The following LRP5 variants were observed in gnomAD, a reference collection of about 807,000 sequenced individuals.
LRP5 encodes the protein low-density lipoprotein receptor-related protein 5.
A neutral mutation model predicts 154.1 loss-of-function variants in LRP5; 62 were observed. The ratio of observed to expected loss-of-function variants is 0.40; its 90% CI spans 0.33 to 0.50. The LOEUF is 0.50. Among genes scored for constraint, LRP5 ranks in the 20% least tolerant of loss-of-function variants. LRP5 has a pLI of 0.55. For missense variants in LRP5, 1,915 were observed against 2,336.7 expected (o/e 0.82, Z 3.72); for synonymous variants, 966 against 1,011.5 (o/e 0.96, Z 0.85).
At chr11:68,314,741 G>A (rs2098591785) in intron 1 of LRP5, among the ~76,000 whole-genome samples, 1 of 152,236 alleles carries the variant, frequency 6.6e-6, no homozygotes, top group Non-Finnish European at 1.5e-5. Context: ...TCCTGTAGAT[G>A]CCCAAGGCCA....
upstream of LRP5, among the ~76,000 whole-genome samples, chr11:68,308,255 T>TG (rs951895124): frequency 5.1e-4 from 77 of 151,858 alleles, no homozygotes; most frequent in South Asian, 2.9e-3. Flanking sequence ...CCTGCCGGGT[T>TG]GGGGGGGGCT....
upstream of LRP5, among the ~76,000 whole-genome samples, chr11:68,307,627 C>T (rs2098584668): frequency 6.6e-6 from 1 of 152,152 alleles, no homozygotes; most frequent in African/African-American, 2.4e-5. Context: ...CACTGCACTC[C>T]AGCCTGGGCA....
chr11:68,406,489 G>T, intron 8 of LRP5, 35 bp from the exon 9 acceptor site: 1 of 1,611,222 alleles, frequency 6.2e-7, no homozygotes, highest in African/African-American at 1.3e-5. Flanking sequence ...CTGGGCTGTT[G>T]ATGTTTAGAC....
At position 68,425,175 on chromosome 11, in the gene LRP5, G is replaced by A. The variant is rs767690779; in HGVS notation, c.3310G>A (p.Glu1104Lys). 61 of 1,613,586 alleles carry A rather than the reference G, an allele frequency of 3.8e-5. No homozygotes were observed. Among genetic ancestry groups the A allele is most frequent in the Non-Finnish European group, 4.7e-5 (55 of 1,180,010 alleles). The part of the protein sequence containing the change: ...ERAALDGTER[E>K]VLFTTGLIRP... ...CGCAGCCCTGGACGGCACCGAGCGC[G>A]AGGTCCTCTTCACCACCGGCCTCAT... The change falls in exon 15 of 23, where the codon GAG (glutamate) becomes AAG (lysine). Residue 1104 changes from glutamate (E) to lysine (K), a missense_variant. By Grantham distance (56) the Glu-to-Lys change is moderately conservative. Transcript: ENST00000294304.
intron 10 of LRP5, 27 bp from the exon 11 acceptor site, chr11:68,411,409 C>G (rs749067378): frequency 3.7e-6 from 6 of 1,605,820 alleles, no homozygotes; most frequent in Non-Finnish European, 5.1e-6. Context: ...ACTCACTGAG[C>G]CTGCCCTTCT....
At chr11:68,321,791 G>A (rs1212661397) in intron 1 of LRP5, among the ~76,000 whole-genome samples, 6 of 152,188 alleles carry the variant, frequency 3.9e-5, no homozygotes, top group African/African-American at 7.2e-5. Flanking sequence ...TTTCTTCCTT[G>A]GGATGTACCC....
At chr11:68,395,431 T>C (rs2098648750) in intron 7 of LRP5, among the ~76,000 whole-genome samples, 1 of 152,104 alleles carries the variant, frequency 6.6e-6, no homozygotes, top group Non-Finnish European at 1.5e-5. Context: ...CCTGACGATT[T>C]GGAGCTCATC....
chr11:68,389,361 G>A lies in LRP5; in HGVS notation c.1413-520G>A, dbSNP rs537326939. 2.2e-4 allele frequency among the ~76,000 whole-genome samples: 33 copies of A among 150,230 alleles called. 1 individual carries two copies. The South Asian group carries it at 6.8e-3, about 31-fold the overall frequency. Reference sequence around the variant, plus strand: ...GCATCTACTGACACTGATGTTTACCGACACTAGCATCTACTGACACTGACA... The same window carrying A: ...GCATCTACTGACACTGATGTTTACCAACACTAGCATCTACTGACACTGACA... On this transcript the variant is annotated intron_variant, in intron 6 of 22. Transcript: ENST00000294304.
At chr11:68,377,532 A>C (rs560223253) in intron 5 of LRP5, among the ~76,000 whole-genome samples, 2 of 152,280 alleles carry the variant, frequency 1.3e-5, no homozygotes, top group African/African-American at 2.4e-5. Context: ...CCCGGGTCAA[A>C]TGCTGCGGTT....
At chr11:68,350,906 G>A (rs953818802) in intron 2 of LRP5, among the ~76,000 whole-genome samples, 1 of 152,210 alleles carries the variant, frequency 6.6e-6, no homozygotes, top group Non-Finnish European at 1.5e-5. Flanking sequence ...GTGTGTGTGT[G>A]TGCGTGTGCA....
Position 68,423,837 on chromosome 11 carries a change from C to A in LRP5, c.3236+140C>A. The A allele has an allele frequency of 1.3e-6, 1 of 746,162 alleles. No individual in the cohort carries two copies. The highest frequency in any genetic ancestry group is 2.2e-6 in the Non-Finnish European group (1 of 459,618). 46.2% of individuals were successfully genotyped at this position (746,162 alleles called of 1,614,324 possible). On this transcript the variant is annotated intron_variant, in intron 14 of 22. Coordinates refer to ENST00000294304, the MANE Select transcript of LRP5 (RefSeq NM_002335.4). This position sits in a 1 kb window ranked among gnomAD's most constrained non-coding sequence, Gnocchi z 4.7. Reference sequence around the variant, plus strand: ...GGGTGGCTTTCCAGGGTCCCAAAAGCAAACACAGGCTCTTTCACAGCCCCT... The same window carrying A: ...GGGTGGCTTTCCAGGGTCCCAAAAGAAAACACAGGCTCTTTCACAGCCCCT...
intron 5 of LRP5, among the ~76,000 whole-genome samples, chr11:68,377,717 G>A (rs1048715319): frequency 2.6e-5 from 4 of 152,224 alleles, no homozygotes; most frequent in African/African-American, 4.8e-5. Context: ...TTCATCCTGC[G>A]TGCCCCAGGC....
chr11:68,433,593 C>A lies in LRP5; in HGVS notation c.3764-9C>A. On this transcript the variant is annotated splice_polypyrimidine_tract_variant and intron_variant, in intron 17 of 22. Transcript: ENST00000294304. ...CTGCGTGTGATGTTCTCCTCTGTCC[C>A]TCCCCCAGAGCCGCCCACCTGCTCC... The A allele has an allele frequency of 6.2e-7, 1 of 1,610,508 alleles. No individual in the cohort carries two copies. The highest frequency in any genetic ancestry group is 1.3e-5 in the African/African-American group (1 of 74,992).
chr11:68,342,059 T>G (rs2098609476), intron 1 of LRP5, among the ~76,000 whole-genome samples: 1 of 150,342 alleles, frequency 6.7e-6, no homozygotes, highest in Admixed American at 6.6e-5. Flanking sequence ...TCTCCTGAAC[T>G]GTCCTCTTTG....
chr11:68,366,949 C>T (rs1041467081), intron 5 of LRP5, among the ~76,000 whole-genome samples: 6 of 115,038 alleles, frequency 5.2e-5, no homozygotes, highest in East Asian at 2.9e-4. Flanking sequence ...GGGGACCCCG[C>T]GGTGCAGACA....
chr11:68,400,884 A>G (rs1456148947), intron 7 of LRP5, among the ~76,000 whole-genome samples: 2 of 152,198 alleles, frequency 1.3e-5, no homozygotes, highest in Non-Finnish European at 2.9e-5. Flanking sequence ...GTGGAACCCC[A>G]TCTCTACAAA....
chr11:68,446,992 A>T (rs1289939852), intron 22 of LRP5: 1 of 249,548 alleles, frequency 4.0e-6, no homozygotes, highest in Non-Finnish European at 8.1e-6. Context: ...TGACGTCACC[A>T]GGATGGTCCG....
chr11:68,425,003 G>A (rs1213810023), intron 14 of LRP5, 99 bp from the exon 15 acceptor site: 17 of 1,033,600 alleles, frequency 1.6e-5, no homozygotes, highest in Non-Finnish European at 2.5e-5. Context: ...AGCCCTGAGA[G>A]GCAGGGGCTT....
intron 5 of LRP5, among the ~76,000 whole-genome samples, chr11:68,384,803 C>T (rs1318557534): frequency 6.6e-6 from 1 of 152,164 alleles, no homozygotes; most frequent in East Asian, 1.9e-4. Context: ...CTGAAGCCCA[C>T]TTGAGGGCCA....
Sources: gnomAD v4.1 joint callset for allele counts (sites outside exome capture counted in the v4.1 genomes callset) on GRCh38, gnomAD v4.1.1 for gene constraint, Gnocchi (gnomAD v3.1) non-coding constraint, MANE v1.5 for transcripts, NCBI Gene and HGNC (gene_info 2026-07-23, HGNC 2026-07-21) for gene names.